The following CACNA1S variants were observed in gnomAD, a reference collection of about 807,000 sequenced individuals.
CACNA1S encodes the protein calcium voltage-gated channel subunit alpha1 S, also known as voltage-dependent L-type calcium channel subunit alpha-1S.
A neutral mutation model predicts 207.4 loss-of-function variants in CACNA1S; 126 were observed. The ratio of observed to expected loss-of-function variants is 0.61; its 90% CI spans 0.53 to 0.70. The LOEUF (loss-of-function observed/expected upper bound fraction) is 0.70. Ranked by LOEUF, CACNA1S falls within the 30% of genes least tolerant of loss-of-function variation. CACNA1S has a pLI of 0.00. For missense variants in CACNA1S, 2,349 were observed against 2,422.8 expected, an observed-to-expected ratio of 0.97 and a Z score of 0.64; for synonymous variants, 960 against 932.7, an observed-to-expected ratio of 1.03 and a Z score of -0.53.
Position 201,062,528 on chromosome 1 carries a change from G to A in CACNA1S, c.2854-14C>T. On this transcript the variant is annotated splice_polypyrimidine_tract_variant and intron_variant, in intron 22 of 43. Transcript: ENST00000362061. The stretch of plus-strand genomic sequence containing the variant: ...GAAGAACTTCCCCTGCAGCCAGGAA[G>A]AGGGAGGGAGGGAGGGAGGCATGTT... 7.5e-7 allele frequency: 1 copy of A among 1,327,630 alleles called. No homozygotes were observed. Among genetic ancestry groups the A allele is most frequent in the Middle Eastern group, 1.9e-4 (1 of 5,202 alleles). The allele number at this position is 1,327,630 out of a possible 1,614,324, so 82.2% of individuals were successfully genotyped here.
chr1:201,057,709 C>T (rs1660894699), intron 28 of CACNA1S, among the ~76,000 whole-genome samples: 1 of 152,198 alleles, frequency 6.6e-6, no homozygotes, highest in Non-Finnish European at 1.5e-5. Context: ...CACCTGTAAT[C>T]CCAGCACTTT....
chr1:201,085,731 CA>C, intron 7 of CACNA1S, 150 bp from the exon 8 acceptor site: 1 of 823,468 alleles, frequency 1.2e-6, no homozygotes, highest in Non-Finnish European at 1.9e-6. Context: ...AGGTGCCCCT[CA>C]AGGTGGCTGA....
At chr1:201,078,805 G>A (rs961178020) in intron 10 of CACNA1S, among the ~76,000 whole-genome samples, 1 of 151,886 alleles carries the variant, frequency 6.6e-6, no homozygotes, top group Non-Finnish European at 1.5e-5. Flanking sequence ...TCTTTCAAAT[G>A]GACCCTCACT....
chr1:201,094,898 C>A lies in CACNA1S; in HGVS notation c.259-877G>T, dbSNP rs1341799063. Reference sequence around the variant, plus strand: ...CCTATCCTTGGCCCCATCACCTTTCCCCCTCTTCTGGGCCCAGGTGAGAGC... The same window carrying A: ...CCTATCCTTGGCCCCATCACCTTTCACCCTCTTCTGGGCCCAGGTGAGAGC... On this transcript the variant is annotated intron_variant, in intron 2 of 43. Transcript: ENST00000362061. Among the ~76,000 whole-genome samples, 4 of 152,064 alleles carry A rather than the reference C, an allele frequency of 2.6e-5. No homozygotes were observed. In the East Asian group the frequency reaches 5.8e-4, roughly 22 times the overall value.
chr1:201,071,202 G>T (rs1311604530), intron 16 of CACNA1S, among the ~76,000 whole-genome samples: 3 of 151,962 alleles, frequency 2.0e-5, no homozygotes, highest in Non-Finnish European at 4.4e-5. Flanking sequence ...AACCCTCCTG[G>T]CCCCTGGCAG....
At chr1:201,110,680 G>T (rs2102191282) in intron 1 of CACNA1S, among the ~76,000 whole-genome samples, 1 of 152,336 alleles carries the variant, frequency 6.6e-6, no homozygotes, top group East Asian at 1.9e-4. Flanking sequence ...AAATGGCATG[G>T]GAGGGTAAGG....
At chr1:201,047,465 A>C (rs1429275187) in intron 37 of CACNA1S, 60 bp downstream of exon 37, 11 of 1,429,190 alleles carry the variant, frequency 7.7e-6, no homozygotes, top group African/African-American at 1.4e-5. Flanking sequence ...TCCTTGGAGA[A>C]GCTCCCCACT....
chr1:201,041,632 G>C, intron 40 of CACNA1S, 43 bp from the exon 41 acceptor site: 2 of 1,429,970 alleles, frequency 1.4e-6, no homozygotes, highest in Non-Finnish European at 2.0e-6. Context: ...AAGGCTGCTA[G>C]CTCTCTCGGC....
Position 201,112,222 on chromosome 1 carries a change from G to A in CACNA1S, c.118C>T (p.Leu40=). The A allele has an allele frequency of 6.2e-7, 1 of 1,613,906 alleles. No homozygotes were observed. The highest frequency in any genetic ancestry group is 8.5e-7 in the Non-Finnish European group (1 of 1,179,962). ...ALFCLTLENP[L]RKACISIVEW... Reference sequence around the variant, plus strand: ...ACAATGCTGATGCAGGCCTTCCTCAGGGGGTTCTCCAGGGTCAGGCAGAAC... The same window carrying A: ...ACAATGCTGATGCAGGCCTTCCTCAAGGGGTTCTCCAGGGTCAGGCAGAAC... The change falls in exon 1 of 44, where the codon CTG becomes TTG. Residue 40 remains leucine, a synonymous_variant. Coordinates refer to ENST00000362061, the MANE Select transcript of CACNA1S (RefSeq NM_000069.3).
chr1:201,095,245 ACACAAGGGGGTCTGTACCCC>A (rs1662380486), intron 2 of CACNA1S, among the ~76,000 whole-genome samples: 1 of 151,828 alleles, frequency 6.6e-6, no homozygotes, highest in Admixed American at 6.6e-5. Context: ...CTCTGGAGTT[ACACAAGGGGGTCTGTACCCC>A]CACAACCCAG....
chr1:201,108,529 A>G (rs1450146890), intron 2 of CACNA1S, among the ~76,000 whole-genome samples: 1 of 152,198 alleles, frequency 6.6e-6, no homozygotes, highest in Non-Finnish European at 1.5e-5. Flanking sequence ...CTCTCCCTGC[A>G]TTCAGGGACA....
At chr1:201,046,581 C>T (rs899942134) in intron 38 of CACNA1S, among the ~76,000 whole-genome samples, 1 of 151,804 alleles carries the variant, frequency 6.6e-6, no homozygotes, top group Non-Finnish European at 1.5e-5. Context: ...CTCACTCTGT[C>T]GCCCAGGCTG....
At chr1:201,050,755 A>C (rs1466405687) in intron 33 of CACNA1S, among the ~76,000 whole-genome samples, 1 of 152,120 alleles carries the variant, frequency 6.6e-6, no homozygotes, top group Non-Finnish European at 1.5e-5. Flanking sequence ...ACCAAAACAA[A>C]AAAAAAAAGT....
intron 1 of CACNA1S, 116 bp from the exon 2 acceptor site, chr1:201,110,385 G>T (rs1663054194): frequency 3.5e-6 from 3 of 858,504 alleles, no homozygotes; most frequent in Non-Finnish European, 5.8e-6. Flanking sequence ...TGCTGGACAG[G>T]CTCATGGACG....
chr1:201,078,543 G>A (rs920070920), intron 10 of CACNA1S, among the ~76,000 whole-genome samples: 17 of 140,942 alleles, frequency 1.2e-4, no homozygotes, highest in Non-Finnish European at 2.3e-4. Context: ...AAAAAAACCC[G>A]GTAAATTTTG....
chr1:201,112,214 C>T lies in CACNA1S; in HGVS notation c.126G>A (p.Lys42=). ...FCLTLENPLR[K]ACISIVEWKP... ...TCCATTCTACAATGCTGATGCAGGC[C>T]TTCCTCAGGGGGTTCTCCAGGGTCA... The change falls in exon 1 of 44, where the codon AAG becomes AAA. Residue 42 remains lysine (K), a synonymous_variant. Transcript: ENST00000362061. 6.2e-7 allele frequency: 1 copy of T among 1,613,954 alleles called. No individual in the cohort carries two copies. The highest frequency in any genetic ancestry group is 8.5e-7 in the Non-Finnish European group (1 of 1,179,946).
Position 201,077,923 on chromosome 1 carries a change from G to A in CACNA1S, c.1575C>T (p.Ser525=), listed in dbSNP as rs771788360. The change falls in exon 11 of 44, where the codon TCC becomes TCT. Residue 525 remains serine, a synonymous_variant. Transcript: ENST00000362061. ...ESGAMTPLGI[S]VLRCIRLLRI... ...TCAGGAGGCGGATGCAGCGGAGCAC[G>A]GAGATGCCCAGGGGTGTCATGGCAC... 1.1e-5 allele frequency: 17 copies of A among 1,614,102 alleles called. No homozygotes were observed. Among genetic ancestry groups the A allele is most frequent in the Middle Eastern group, 1.6e-4 (1 of 6,062 alleles).
chr1:201,053,152 T>C lies in CACNA1S; in HGVS notation c.3861+57A>G. ...GCTCAGGCTCCTCAGGGTCCACTGA[T>C]GCCCCCTCTAACTTGGCCAAGATCC... On this transcript the variant is annotated intron_variant, in intron 31 of 43. Transcript: ENST00000362061. The surrounding 1 kb of genome is among the most constrained non-coding windows in gnomAD (Gnocchi z 5.1). 2 of 1,594,536 alleles carry C rather than the reference T, an allele frequency of 1.3e-6. No individual in the cohort carries two copies. Among genetic ancestry groups the C allele is most frequent in the East Asian group, 4.5e-5 (2 of 44,750 alleles).
At chr1:201,109,386 AT>A (rs1444967329) in intron 2 of CACNA1S, among the ~76,000 whole-genome samples, 1 of 152,224 alleles carries the variant, frequency 6.6e-6, no homozygotes, top group Non-Finnish European at 1.5e-5. Flanking sequence ...GGGTCTAATA[AT>A]GTTACTTACC....
Sources: allele counts gnomAD v4.1 joint callset (sites outside exome capture counted in the v4.1 genomes callset), GRCh38; gene constraint gnomAD v4.1.1; non-coding constraint Gnocchi (gnomAD v3.1); transcripts MANE v1.5; gene names NCBI Gene and HGNC (gene_info 2026-07-23, HGNC 2026-07-21).